Variants in KDM4C observed in about 807,000 individuals in gnomAD.
The protein encoded by KDM4C is lysine demethylase 4C, also known as lysine-specific demethylase 4C.
Under a neutral mutation model 129.3 loss-of-function variants are expected in KDM4C, and 81 were observed. The observed-to-expected ratio is 0.63, with a 90% CI of 0.52 to 0.75. KDM4C has a LOEUF of 0.75. Among genes scored for constraint, KDM4C ranks in the 30% least tolerant of loss-of-function variants. The pLI, the probability that KDM4C is intolerant of heterozygous loss-of-function variation, is 0.00. For missense variants in KDM4C, 1,457 were observed against 1,304.0 expected (o/e 1.12, Z -1.81); for synonymous variants, 573 against 456.1 (o/e 1.26, Z -3.26).
chr9:7,078,411 A>G (rs2132906856), intron 17 of KDM4C, among the ~76,000 whole-genome samples: 1 of 151,960 alleles, frequency 6.6e-6, no homozygotes, highest in South Asian at 2.1e-4. Flanking sequence ...TTTGTCTTCA[A>G]CACAGAGCCT....
intron 19 of KDM4C, among the ~76,000 whole-genome samples, chr9:7,154,304 C>T (rs1325115579): frequency 1.3e-5 from 2 of 152,190 alleles, no homozygotes; most frequent in Non-Finnish European, 2.9e-5. Flanking sequence ...GCATTTCGCC[C>T]CAGGTCACCT....
At position 7,123,436 on chromosome 9, in the gene KDM4C, G is replaced by A. The variant is rs146191915; in HGVS notation, c.2611-4630G>A. ...ATAAATAGGGATATCACTCTACAGT[G>A]CCCCTTTGCTTCTCTTTGCCCTTTT... On this transcript the variant is annotated intron_variant, in intron 18 of 21. Coordinates refer to ENST00000381309, the MANE Select transcript of KDM4C (RefSeq NM_015061.6). 2.9e-3 allele frequency among the ~76,000 whole-genome samples: 443 copies of A among 152,296 alleles called. 1 individual carries two copies. Among genetic ancestry groups the A allele is most frequent in the Non-Finnish European group, 5.3e-3 (360 of 68,026 alleles).
intron 8 of KDM4C, among the ~76,000 whole-genome samples, chr9:6,934,611 G>A (rs1157025700): frequency 6.6e-6 from 1 of 151,404 alleles, no homozygotes. Context: ...CTACAGGCAC[G>A]CGCCACCATG....
chr9:6,885,228 C>T (rs990470916), intron 6 of KDM4C, among the ~76,000 whole-genome samples: 8 of 152,330 alleles, frequency 5.3e-5, no homozygotes, highest in Middle Eastern at 6.8e-3. Context: ...CTGTCCCTAT[C>T]GTTTTACCTT....
chr9:6,860,093 C>T (rs973421954), intron 5 of KDM4C, among the ~76,000 whole-genome samples: 12 of 152,168 alleles, frequency 7.9e-5, no homozygotes, highest in Admixed American at 3.3e-4. Flanking sequence ...AAAAGAGAAA[C>T]GTGCTCCTCA....
intron 15 of KDM4C, among the ~76,000 whole-genome samples, chr9:7,038,396 A>G (rs1034493081): frequency 1.3e-5 from 2 of 152,038 alleles, no homozygotes; most frequent in African/African-American, 2.4e-5. Context: ...GGCTTGCTGT[A>G]TGGGACCCAA....
intron 1 of KDM4C, among the ~76,000 whole-genome samples, chr9:6,741,435 A>G (rs1030347841): frequency 2.6e-5 from 4 of 151,992 alleles, no homozygotes; most frequent in African/African-American, 9.7e-5. Context: ...GAGGAAAAGA[A>G]TATTCTATTT....
At chr9:7,069,771 G>A (rs1226071442) in intron 17 of KDM4C, among the ~76,000 whole-genome samples, 1 of 152,180 alleles carries the variant, frequency 6.6e-6, no homozygotes, top group Non-Finnish European at 1.5e-5. Flanking sequence ...TAAAGGGAAG[G>A]TAAAGTCAAA....
intron 8 of KDM4C, among the ~76,000 whole-genome samples, chr9:6,980,529 C>A (rs893349834): frequency 2.6e-5 from 4 of 152,166 alleles, no homozygotes; most frequent in Admixed American, 2.0e-4. Context: ...TCTAATCACA[C>A]ATTCATTGGG....
chr9:6,725,010 C>G (rs1283152794), intron 1 of KDM4C, among the ~76,000 whole-genome samples: 1 of 152,114 alleles, frequency 6.6e-6, no homozygotes, highest in African/African-American at 2.4e-5. Flanking sequence ...CTTGCCTTTT[C>G]CAGTTTCTAG....
At chr9:6,869,691 A>G (rs1004515635) in intron 5 of KDM4C, among the ~76,000 whole-genome samples, 12 of 152,194 alleles carry the variant, frequency 7.9e-5, no homozygotes, top group Non-Finnish European at 1.0e-4. Context: ...CATCCCTTGC[A>G]TGTGGGCCGC....
In KDM4C at chr9:7,115,235, T is replaced by C. The variant is rs921991158; in HGVS notation, c.2610+11365T>C. Among the ~76,000 whole-genome samples, 10 of 152,298 alleles carry C rather than the reference T, an allele frequency of 6.6e-5. No homozygotes were observed. The East Asian group carries it at 1.9e-3, about 29-fold the overall frequency. ...TTATTTATTTTTTTCGTAGATAAGG[T>C]GTATTTTCATGCAAAATGCTTGCTT... On this transcript the variant is annotated intron_variant, in intron 18 of 21. Coordinates refer to ENST00000381309, the MANE Select transcript of KDM4C (RefSeq NM_015061.6).
At chr9:6,910,011 G>T (rs1372974640) in intron 8 of KDM4C, among the ~76,000 whole-genome samples, 1 of 152,144 alleles carries the variant, frequency 6.6e-6, no homozygotes, top group Non-Finnish European at 1.5e-5. Flanking sequence ...GTAATCCCTG[G>T]ATGTCACTTA....
At chr9:7,174,440 CT>C in intron 21 of KDM4C, 112 bp from the exon 22 acceptor site, 1 of 952,454 alleles carries the variant, frequency 1.0e-6, no homozygotes. Context: ...TTAGCCTGAG[CT>C]GGTGACCTGG....
chr9:6,977,307 A>C (rs761008916), intron 8 of KDM4C, among the ~76,000 whole-genome samples: 1 of 152,174 alleles, frequency 6.6e-6, no homozygotes, highest in Non-Finnish European at 1.5e-5. Flanking sequence ...AATTCTTTTT[A>C]AATTTTAAAT....
chr9:6,945,197 C>A (rs1437933637), intron 8 of KDM4C, among the ~76,000 whole-genome samples: 2 of 152,150 alleles, frequency 1.3e-5, no homozygotes, highest in Non-Finnish European at 1.5e-5. Context: ...CACAAGGAAG[C>A]TTGTTTTCTC....
chr9:7,017,723 C>T (rs998388979), intron 15 of KDM4C, among the ~76,000 whole-genome samples: 3 of 152,162 alleles, frequency 2.0e-5, no homozygotes, highest in Admixed American at 1.3e-4. Context: ...GCTGTAATAG[C>T]AGCATTTACT....
At chr9:7,068,653 C>T (rs1450757191) in intron 17 of KDM4C, among the ~76,000 whole-genome samples, 2 of 122,766 alleles carry the variant, frequency 1.6e-5, no homozygotes, top group Admixed American at 7.9e-5. Flanking sequence ...TCCTTTTCTT[C>T]TGTCTATTTC....
intron 17 of KDM4C, among the ~76,000 whole-genome samples, chr9:7,090,092 T>A (rs7023243): frequency 0.022 from 3,425 of 152,302 alleles, 100 homozygotes; most frequent in African/African-American, 0.078. Context: ...GCTCCCTCAT[T>A]ACACAGAGCT....
Sources: gnomAD v4.1 joint callset for allele counts (sites outside exome capture counted in the v4.1 genomes callset) on GRCh38, gnomAD v4.1.1 for gene constraint, MANE v1.5 for transcripts, NCBI Gene and HGNC (gene_info 2026-07-23, HGNC 2026-07-21) for gene names.